The following TMEM260 variants were observed in gnomAD, a reference collection of about 807,000 sequenced individuals.
TMEM260 encodes the protein transmembrane protein 260, also known as protein O-mannosyl-transferase TMEM260.
TMEM260 carries 82 observed loss-of-function variants against 88.9 expected under a neutral mutation model. The ratio of observed to expected loss-of-function variants is 0.92; its 90% confidence interval spans 0.77 to 1.11. TMEM260 has a LOEUF of 1.11. Ranked by LOEUF, TMEM260 falls within the 50% of genes least tolerant of loss-of-function variation. The pLI is 0.00. For missense variants in TMEM260, 902 were observed against 853.4 expected, an observed-to-expected ratio of 1.06 and a Z score of -0.71; for synonymous variants, 314 against 309.3, an observed-to-expected ratio of 1.02 and a Z score of -0.16.
At chr14:56,618,545 T>C in intron 9 of TMEM260, 49 bp from the exon 10 acceptor site, 3 of 1,554,254 alleles carry the variant, frequency 1.9e-6, no homozygotes, top group Non-Finnish European at 2.6e-6. Context: ...AGCTGATTGA[T>C]AGCATTAAAT....
intron 3 of TMEM260, among the ~76,000 whole-genome samples, chr14:56,588,535 A>C (rs761118135): frequency 6.6e-6 from 1 of 151,832 alleles, no homozygotes; most frequent in Non-Finnish European, 1.5e-5. Context: ...TAAAAGCTGT[A>C]AGATGTCATT....
chr14:56,595,132 C>T (rs1886124570), intron 3 of TMEM260, among the ~76,000 whole-genome samples: 1 of 152,136 alleles, frequency 6.6e-6, no homozygotes, highest in African/African-American at 2.4e-5. Context: ...CTTTTAAACT[C>T]ATAATAAACA....
chr14:56,636,442 T>C, intron 14 of TMEM260, 66 bp from the exon 15 acceptor site: 1 of 1,293,130 alleles, frequency 7.7e-7, no homozygotes, highest in Non-Finnish European at 1.1e-6. Context: ...GCCTGGAAGA[T>C]TTAGCTAGCC....
chr14:56,646,317 T>A (rs1371200501), intron 15 of TMEM260, among the ~76,000 whole-genome samples: 1 of 152,232 alleles, frequency 6.6e-6, no homozygotes, highest in Non-Finnish European at 1.5e-5. Context: ...TTATGTAATG[T>A]CTAATTCAAA....
intron 3 of TMEM260, among the ~76,000 whole-genome samples, chr14:56,592,812 C>A (rs2139518012): frequency 6.6e-6 from 1 of 152,284 alleles, no homozygotes; most frequent in Non-Finnish European, 1.5e-5. Flanking sequence ...AATTCCACTT[C>A]AAGTAGGAAT....
chr14:56,663,056 G>C, the TMEM260 span, among the ~76,000 whole-genome samples: 1 of 152,156 alleles, frequency 6.6e-6, no homozygotes, highest in African/African-American at 2.4e-5. The surrounding 1 kb of genome is among the most constrained non-coding windows in gnomAD (Gnocchi z 4.1). Flanking sequence ...TTGAACCCAG[G>C]AGGCGGAGGT....
chr14:56,622,830 A>G (rs1246593450), intron 11 of TMEM260, among the ~76,000 whole-genome samples: 1 of 152,248 alleles, frequency 6.6e-6, no homozygotes, highest in Non-Finnish European at 1.5e-5. Flanking sequence ...AGAAAACTTT[A>G]TAAACAGATT....
At chr14:56,580,111 C>T (rs2275025) in intron 1 of TMEM260, 37 bp downstream of exon 1, 1 of 1,246,554 alleles carries the variant, frequency 8.0e-7, no homozygotes, top group Non-Finnish European at 1.0e-6. Flanking sequence ...CTGTCCCTCT[C>T]CCCTGGTCCC....
chr14:56,639,693 C>T (rs1566576202), intron 15 of TMEM260, among the ~76,000 whole-genome samples: 1 of 152,224 alleles, frequency 6.6e-6, no homozygotes. Context: ...GGCATTGCCT[C>T]ACCCAGGAAG....
intron 15 of TMEM260, among the ~76,000 whole-genome samples, chr14:56,638,893 A>G (rs937947768): frequency 6.6e-5 from 10 of 152,244 alleles, no homozygotes; most frequent in Non-Finnish European, 1.3e-4. Flanking sequence ...TCACAGCAAC[A>G]CATGTATATA....
At chr14:56,627,556 T>G (rs536818331) in intron 12 of TMEM260, among the ~76,000 whole-genome samples, 18 of 152,176 alleles carry the variant, frequency 1.2e-4, no homozygotes, top group Non-Finnish European at 2.6e-4. Context: ...TAGGGTTTTT[T>G]GTGGAGGGGC....
chr14:56,638,073 G>A (rs371913785), intron 15 of TMEM260: 1 of 152,352 alleles, frequency 6.6e-6, no homozygotes, highest in Middle Eastern at 3.2e-3. Flanking sequence ...ATCAGAAGGA[G>A]CTAACCAAAC....
the TMEM260 span, among the ~76,000 whole-genome samples, chr14:56,662,989 G>T: frequency 1.3e-5 from 2 of 152,138 alleles, no homozygotes; most frequent in Non-Finnish European, 2.9e-5. Context: ...TTAGCCAGGC[G>T]TGGTGGCACA....
chr14:56,609,715 G>A (rs1887135862), intron 6 of TMEM260, among the ~76,000 whole-genome samples: 1 of 152,038 alleles, frequency 6.6e-6, no homozygotes, highest in South Asian at 2.1e-4. Flanking sequence ...TTCATGAACA[G>A]TTTTTATGTT....
Position 56,643,906 on chromosome 14 carries a change from A to G in TMEM260, c.1870-3337A>G, listed in dbSNP as rs553619124. ...AATCATGAGTGAACTCCCATTCACAATTGCTTCAAAGAGAATAAAATACCT... is the reference window on the plus strand; with the variant it reads ...AATCATGAGTGAACTCCCATTCACAGTTGCTTCAAAGAGAATAAAATACCT... On this transcript the variant is annotated intron_variant, in intron 15 of 15. Coordinates refer to ENST00000261556, the MANE Select transcript of TMEM260 (RefSeq NM_017799.4). Among the ~76,000 whole-genome samples the G allele has an allele frequency of 1.8e-3, 279 of 152,292 alleles. 3 individuals are homozygous for G. The highest frequency in any genetic ancestry group is 6.2e-3 in the African/African-American group (258 of 41,562).
chr14:56,654,375 A>G (rs1453943747), downstream of TMEM260, among the ~76,000 whole-genome samples: 1 of 152,188 alleles, frequency 6.6e-6, no homozygotes, highest in Non-Finnish European at 1.5e-5. Context: ...ACCCCTCTTA[A>G]GTAGACATCA....
At chr14:56,591,013 T>G (rs962994534) in intron 3 of TMEM260, among the ~76,000 whole-genome samples, 3 of 152,220 alleles carry the variant, frequency 2.0e-5, no homozygotes, top group African/African-American at 4.8e-5. Flanking sequence ...GACTTTATAA[T>G]TGTGAAGCTA....
downstream of TMEM260, among the ~76,000 whole-genome samples, chr14:56,653,586 T>C (rs1445044872): frequency 6.6e-6 from 1 of 151,302 alleles, no homozygotes; most frequent in Non-Finnish European, 1.5e-5. Flanking sequence ...ATACAAAAAT[T>C]AGCTGGGCGA....
chr14:56,659,583 G>C, the TMEM260 span, among the ~76,000 whole-genome samples: 1 of 152,172 alleles, frequency 6.6e-6, no homozygotes, highest in Non-Finnish European at 1.5e-5. Context: ...GGGAGGCTCC[G>C]GAGAGGCCGA....
Sources: allele counts gnomAD v4.1 joint callset (sites outside exome capture counted in the v4.1 genomes callset), GRCh38; gene constraint gnomAD v4.1.1; non-coding constraint Gnocchi (gnomAD v3.1); transcripts MANE v1.5; gene names NCBI Gene and HGNC (gene_info 2026-07-23, HGNC 2026-07-21).